The following MAGI1 variants were observed in gnomAD, a reference collection of about 807,000 sequenced individuals.
The protein encoded by MAGI1 is membrane-associated guanylate kinase, WW and PDZ domain-containing protein 1.
A neutral mutation model predicts 139.9 loss-of-function variants in MAGI1; 58 were observed. The ratio of observed to expected loss-of-function variants is 0.41; its 90% CI spans 0.34 to 0.52. The LOEUF is 0.52. MAGI1 is among the 20% of genes least tolerant of loss of function. The probability of loss-of-function intolerance (pLI) is 0.12; values close to 1 mark genes in which losing one functional copy is unlikely to be tolerated. For synonymous variants in MAGI1, 812 were observed against 737.9 expected (o/e 1.10, Z -1.63); for missense variants, 1,874 against 1,901.6 (o/e 0.99, Z 0.27).
At chr3:65,604,436 C>G (rs374886435) in intron 2 of MAGI1, among the ~76,000 whole-genome samples, 17 of 152,144 alleles carry the variant, frequency 1.1e-4, no homozygotes, top group African/African-American at 4.1e-4. Context: ...TTATCTGATG[C>G]TTTTTAAATT....
chr3:65,720,291 G>C (rs1576876073), intron 1 of MAGI1, among the ~76,000 whole-genome samples: 2 of 152,248 alleles, frequency 1.3e-5, no homozygotes, highest in Admixed American at 6.5e-5. Context: ...GGGGTCCTGT[G>C]CTGGTCACCG....
intron 1 of MAGI1, among the ~76,000 whole-genome samples, chr3:66,029,307 A>G (rs865891812): frequency 2.6e-5 from 4 of 152,158 alleles, no homozygotes; most frequent in African/African-American, 9.7e-5. Context: ...TCGCCTTTTA[A>G]TTGCACCATC....
intron 1 of MAGI1, among the ~76,000 whole-genome samples, chr3:65,694,225 T>C (rs1010075180): frequency 9.9e-5 from 15 of 152,184 alleles, no homozygotes; most frequent in Admixed American, 6.5e-4. Context: ...AAAAAGGTTA[T>C]ATCTAAGCCA....
chr3:65,590,353 TAAC>T (rs1306054888), intron 2 of MAGI1, among the ~76,000 whole-genome samples: 3 of 152,196 alleles, frequency 2.0e-5, no homozygotes, highest in Non-Finnish European at 4.4e-5. Flanking sequence ...ATTTGGGTCA[TAAC>T]AACTATTTGT....
At chr3:65,687,774 C>T in intron 1 of MAGI1, 2 of 565,774 alleles carry the variant, frequency 3.5e-6, no homozygotes, top group Non-Finnish European at 7.1e-6. Context: ...CCATGCCTAC[C>T]ATGCTGACGA....
chr3:65,913,391 C>T (rs1477059334), intron 1 of MAGI1, among the ~76,000 whole-genome samples: 1 of 152,148 alleles, frequency 6.6e-6, no homozygotes, highest in Non-Finnish European at 1.5e-5. Flanking sequence ...CCCAACCCCC[C>T]CAAAAAATCC....
At chr3:65,797,527 A>G (rs1480654784) in intron 1 of MAGI1, among the ~76,000 whole-genome samples, 2 of 152,194 alleles carry the variant, frequency 1.3e-5, no homozygotes, top group Non-Finnish European at 2.9e-5. Flanking sequence ...GTTCGAGACC[A>G]GCCTGGGCAA....
At chr3:65,482,467 C>A (rs1350031470) in intron 3 of MAGI1, among the ~76,000 whole-genome samples, 1 of 152,252 alleles carries the variant, frequency 6.6e-6, no homozygotes, top group Non-Finnish European at 1.5e-5. Flanking sequence ...TGTCAATAAC[C>A]AAATAACCAA....
chr3:65,403,953 C>G (rs1428639066), intron 12 of MAGI1, among the ~76,000 whole-genome samples: 3 of 152,210 alleles, frequency 2.0e-5, no homozygotes, highest in Non-Finnish European at 4.4e-5. Flanking sequence ...TGAGCTATCT[C>G]TACAGGTAAC....
intron 1 of MAGI1, among the ~76,000 whole-genome samples, chr3:65,947,804 G>A (rs1229519363): frequency 1.3e-5 from 2 of 151,830 alleles, no homozygotes; most frequent in African/African-American, 4.8e-5. Context: ...TTTTAGTATT[G>A]ATGAGATCTC....
At chr3:65,748,329 C>T (rs974799316) in intron 1 of MAGI1, among the ~76,000 whole-genome samples, 46 of 152,260 alleles carry the variant, frequency 3.0e-4, no homozygotes, top group African/African-American at 1.0e-3. Context: ...AAGTAGAACA[C>T]TAAAACTGTG....
At chr3:65,447,969 G>A in intron 7 of MAGI1, 53 bp downstream of exon 7, 1 of 1,598,384 alleles carries the variant, frequency 6.3e-7, no homozygotes, top group Non-Finnish European at 8.6e-7. Context: ...AGAAAACCAT[G>A]CAGGCCATGT....
chr3:65,591,711 A>G (rs972748677), intron 2 of MAGI1, among the ~76,000 whole-genome samples: 1 of 152,072 alleles, frequency 6.6e-6, no homozygotes. Context: ...CCATAGTTCT[A>G]ACCCTTGTTC....
chr3:65,555,496 G>A (rs971704919), intron 2 of MAGI1, among the ~76,000 whole-genome samples: 4 of 152,098 alleles, frequency 2.6e-5, no homozygotes, highest in Non-Finnish European at 5.9e-5. Flanking sequence ...CTGGTACGTA[G>A]CACATGCCTA....
chr3:65,702,460 G>T (rs1032918773), intron 1 of MAGI1, among the ~76,000 whole-genome samples: 1 of 150,188 alleles, frequency 6.7e-6, no homozygotes, highest in Non-Finnish European at 1.5e-5. Flanking sequence ...CGACAGTAAG[G>T]TGTCAATTTT....
chr3:65,386,883 T>C (rs533359303), intron 14 of MAGI1, among the ~76,000 whole-genome samples: 10 of 152,280 alleles, frequency 6.6e-5, no homozygotes, highest in African/African-American at 2.2e-4. Context: ...ACCCACCAGA[T>C]TTGCAAAGAA....
intron 18 of MAGI1, among the ~76,000 whole-genome samples, chr3:65,370,305 C>T (rs905002969): frequency 1.3e-5 from 2 of 152,256 alleles, no homozygotes; most frequent in South Asian, 2.1e-4. Context: ...TCACCCTCTG[C>T]CAGACTTGAT....
chr3:65,981,503 T>G (rs780547826), intron 1 of MAGI1, among the ~76,000 whole-genome samples: 14 of 152,198 alleles, frequency 9.2e-5, no homozygotes, highest in Non-Finnish European at 1.8e-4. Flanking sequence ...ATTGAGATAA[T>G]AATAGCCCCT....
chr3:65,959,792 T>TTC lies in MAGI1; in HGVS notation c.313+78202_313+78203dup, dbSNP rs1287657837. Among the ~76,000 whole-genome samples the TTC allele has an allele frequency of 4.4e-3, 550 of 126,378 alleles. 9 individuals carry two copies. Among genetic ancestry groups the TTC allele is most frequent in the Non-Finnish European group, 6.6e-3 (396 of 59,838 alleles). The allele number at this position is 126,378 out of a possible 152,430, so 82.9% of individuals were successfully genotyped here. ...ATGTCTTAATGGACAAATAAATAAA[T>TTC]TCTCTCTTTTTTTTTTTTTTTTTTT... is the stretch of plus-strand genomic sequence containing the variant. On this transcript the variant is annotated intron_variant, in intron 1 of 22. Coordinates refer to ENST00000402939, the MANE Select transcript of MAGI1 (RefSeq NM_001033057.2).
Sources: gnomAD v4.1 joint callset for allele counts (sites outside exome capture counted in the v4.1 genomes callset) on GRCh38, gnomAD v4.1.1 for gene constraint, MANE v1.5 for transcripts, NCBI Gene and HGNC (gene_info 2026-07-23, HGNC 2026-07-21) for gene names.